The following COG5 variants were observed in gnomAD, a reference collection of about 807,000 sequenced individuals.
COG5 encodes conserved oligomeric Golgi complex subunit 5.
In COG5, 86 loss-of-function variants were observed where a neutral mutation model predicts 110.4. That is an observed-to-expected ratio of 0.78 (90% CI 0.65 to 0.93). COG5 has a LOEUF of 0.93. COG5 is among the 40% of genes least tolerant of loss of function. COG5 has a pLI of 0.00. For synonymous variants in COG5, 360 were observed against 334.6 expected, an observed-to-expected ratio of 1.08 and a Z score of -0.83; for missense variants, 1,077 against 987.0, an observed-to-expected ratio of 1.09 and a Z score of -1.22.
intron 12 of COG5, among the ~76,000 whole-genome samples, chr7:107,297,607 C>T (rs1806874653): frequency 6.6e-6 from 1 of 151,902 alleles, no homozygotes; most frequent in Non-Finnish European, 1.5e-5. Context: ...CGCCACCATG[C>T]CCAGCTAATC....
intron 11 of COG5, among the ~76,000 whole-genome samples, chr7:107,309,047 T>C (rs1187726189): frequency 6.8e-6 from 1 of 148,078 alleles, no homozygotes; most frequent in East Asian, 2.0e-4. Context: ...ACAACATAAG[T>C]GATAAAGGGG....
At chr7:107,217,961 A>G (rs1799642281) in intron 19 of COG5, among the ~76,000 whole-genome samples, 1 of 152,098 alleles carries the variant, frequency 6.6e-6, no homozygotes, top group South Asian at 2.1e-4. Flanking sequence ...TTACATATCC[A>G]AAACCAAAAA....
At chr7:107,534,767 G>C (rs903364508) in intron 5 of COG5, among the ~76,000 whole-genome samples, 3 of 151,430 alleles carry the variant, frequency 2.0e-5, no homozygotes, top group East Asian at 3.9e-4. Flanking sequence ...CAACGAAACA[G>C]AAAATTAACA....
chr7:107,327,989 G>A (rs1177389466), intron 10 of COG5, among the ~76,000 whole-genome samples: 1 of 152,168 alleles, frequency 6.6e-6, no homozygotes, highest in Non-Finnish European at 1.5e-5. Context: ...GAATACTCAT[G>A]TTTACTGCAG....
intron 14 of COG5, among the ~76,000 whole-genome samples, chr7:107,277,092 A>C (rs934646564): frequency 6.6e-6 from 1 of 152,250 alleles, no homozygotes; most frequent in Non-Finnish European, 1.5e-5. Context: ...AGAGCACAGA[A>C]GTAAAATAAA....
At chr7:107,521,050 T>A (rs1232160891) in intron 6 of COG5, among the ~76,000 whole-genome samples, 1 of 152,180 alleles carries the variant, frequency 6.6e-6, no homozygotes, top group African/African-American at 2.4e-5. Flanking sequence ...GGGAAAAGAT[T>A]CCCTATTTAA....
Position 107,326,629 on chromosome 7 carries a change from T to C in COG5, c.1027-2108A>G, listed in dbSNP as rs1017730905. ...CTTGTATACTGAAAACTACACGATA[T>C]GGTTGAAAGAAATTAAAGAAGACAC... On this transcript the variant is annotated intron_variant, in intron 10 of 21. Coordinates refer to ENST00000297135, the MANE Select transcript of COG5 (RefSeq NM_006348.5). Among the ~76,000 whole-genome samples the C allele has an allele frequency of 3.3e-5, 5 of 152,238 alleles. No homozygotes were observed. The East Asian group carries it at 9.6e-4, about 29-fold the overall frequency.
chr7:107,526,657 A>C (rs1800775787), intron 6 of COG5, among the ~76,000 whole-genome samples: 1 of 152,220 alleles, frequency 6.6e-6, no homozygotes, highest in Admixed American at 6.5e-5. Flanking sequence ...TCAATCAGTG[A>C]ATCAATAAAC....
At chr7:107,390,626 A>G (rs1029232289) in intron 7 of COG5, among the ~76,000 whole-genome samples, 10 of 151,616 alleles carry the variant, frequency 6.6e-5, no homozygotes, top group African/African-American at 2.2e-4. Flanking sequence ...ATAGATCTAC[A>G]TAGCCAACAA....
intron 14 of COG5, among the ~76,000 whole-genome samples, chr7:107,261,479 A>C (rs1158127806): frequency 6.6e-6 from 1 of 152,136 alleles, no homozygotes; most frequent in Non-Finnish European, 1.5e-5. Context: ...ACAGATTTAC[A>C]TCGATGAAAT....
chr7:107,563,543 A>AG lies in COG5; in HGVS notation c.94+259_94+260insC, dbSNP rs1491334770. On this transcript the variant is annotated intron_variant, in intron 1 of 21. Coordinates refer to ENST00000297135, the MANE Select transcript of COG5 (RefSeq NM_006348.5). ...CCGAAACTTCAGGGAAGCTGGAGGC[A>AG]TGGGGGGGGGGGGGGTCGAGTTGAA... 2.9e-3 allele frequency: 911 copies of AG among 316,156 alleles called. 18 individuals carry two copies. Among genetic ancestry groups the AG allele is most frequent in the Non-Finnish European group, 3.7e-3 (666 of 180,312 alleles). The allele number at this position is 316,156 out of a possible 1,614,324, so 19.6% of individuals were successfully genotyped here.
intron 6 of COG5, among the ~76,000 whole-genome samples, chr7:107,482,904 T>C (rs1797435133): frequency 6.6e-6 from 1 of 152,196 alleles, no homozygotes; most frequent in Non-Finnish European, 1.5e-5. Context: ...GTACTATTCT[T>C]GCACATTTTT....
intron 17 of COG5, among the ~76,000 whole-genome samples, chr7:107,240,669 G>A (rs543039612): frequency 7.9e-5 from 12 of 152,316 alleles, no homozygotes; most frequent in Non-Finnish European, 1.5e-4. Context: ...ATCCCTGGGG[G>A]CTGGCCCTAA....
intron 6 of COG5, among the ~76,000 whole-genome samples, chr7:107,422,705 G>C (rs2129074169): frequency 6.8e-6 from 1 of 147,964 alleles, no homozygotes; most frequent in African/African-American, 2.5e-5. Context: ...AAAAAAAAAA[G>C]CAAGCCATGA....
At chr7:107,437,008 G>A (rs1443352775) in intron 6 of COG5, among the ~76,000 whole-genome samples, 1 of 152,154 alleles carries the variant, frequency 6.6e-6, no homozygotes, top group Non-Finnish European at 1.5e-5. Context: ...CAAACAGCAT[G>A]TATTGACCAA....
intron 12 of COG5, among the ~76,000 whole-genome samples, chr7:107,291,661 A>G (rs966193035): frequency 3.9e-5 from 6 of 152,100 alleles, no homozygotes; most frequent in African/African-American, 1.2e-4. Flanking sequence ...ACTGCTCTAC[A>G]TTTTCAACAA....
intron 7 of COG5, among the ~76,000 whole-genome samples, chr7:107,400,009 A>G (rs1791308631): frequency 6.6e-6 from 1 of 152,124 alleles, no homozygotes; most frequent in Non-Finnish European, 1.5e-5. Flanking sequence ...TATTCTCTTT[A>G]AAAAGTAAAC....
chr7:107,276,651 A>G (rs967963042), intron 14 of COG5, among the ~76,000 whole-genome samples: 3 of 152,168 alleles, frequency 2.0e-5, no homozygotes, highest in African/African-American at 7.2e-5. Flanking sequence ...AGACCATCTC[A>G]AAAACAAACA....
chr7:107,392,531 G>T (rs1790694136), intron 7 of COG5, among the ~76,000 whole-genome samples: 1 of 152,182 alleles, frequency 6.6e-6, no homozygotes, highest in Non-Finnish European at 1.5e-5. Flanking sequence ...ACCAATTAAA[G>T]AAAGGCCTAT....
Sources: allele counts gnomAD v4.1 joint callset (sites outside exome capture counted in the v4.1 genomes callset), GRCh38; gene constraint gnomAD v4.1.1; transcripts MANE v1.5; gene names NCBI Gene and HGNC (gene_info 2026-07-23, HGNC 2026-07-21).